Variants in B3GALT1 observed in about 807,000 individuals in gnomAD.
B3GALT1 encodes beta-1,3-galactosyltransferase 1.
B3GALT1 carries 10 observed loss-of-function variants against 23.2 expected under a neutral mutation model. That is an observed-to-expected ratio of 0.43 (90% CI 0.27 to 0.73). B3GALT1 has a LOEUF of 0.73. Ranked by LOEUF, B3GALT1 falls within the 30% of genes least tolerant of loss-of-function variation. The pLI, the probability that B3GALT1 is intolerant of heterozygous loss-of-function variation, is 0.21. For synonymous variants in B3GALT1, 156 were observed against 141.5 expected (o/e 1.10, Z -0.73); for missense variants, 299 against 405.4 (o/e 0.74, Z 2.25).
chr2:167,788,289 T>C lies in B3GALT1; in HGVS notation c.-351-30383T>C, dbSNP rs183627157. On this transcript the variant is annotated intron_variant, in intron 3 of 4. Transcript: ENST00000392690. ...CCGGAAGTGGGTGGGGGCGGGGGGG[T>C]GTTTTCGAGATGATTCAAGCACATT... Among the ~76,000 whole-genome samples, 575 of 150,002 alleles carry C rather than the reference T, an allele frequency of 3.8e-3. 4 individuals carry two copies. Among genetic ancestry groups the C allele is most frequent in the African/African-American group, 0.013 (532 of 40,902 alleles).
At chr2:167,819,410 TTTTA>T (rs1232189476) in intron 4 of B3GALT1, among the ~76,000 whole-genome samples, 4 of 152,248 alleles carry the variant, frequency 2.6e-5, no homozygotes, top group African/African-American at 7.2e-5. Context: ...GTTAAAATGT[TTTTA>T]TTTAAAGTGA....
intron 3 of B3GALT1, among the ~76,000 whole-genome samples, chr2:167,777,389 C>A (rs556980242): frequency 1.3e-5 from 2 of 152,310 alleles, no homozygotes; most frequent in East Asian, 3.9e-4. Context: ...CTCTGTTGCC[C>A]AGGCTGGAGT....
At chr2:167,829,972 G>A (rs1363535479) in intron 4 of B3GALT1, among the ~76,000 whole-genome samples, 1 of 152,170 alleles carries the variant, frequency 6.6e-6, no homozygotes, top group Non-Finnish European at 1.5e-5. Flanking sequence ...TCTTTTGGGA[G>A]GAGAGGAAAA....
chr2:167,667,710 A>G (rs938701403), intron 3 of B3GALT1, among the ~76,000 whole-genome samples: 1 of 152,022 alleles, frequency 6.6e-6, no homozygotes, highest in Non-Finnish European at 1.5e-5. Context: ...TTCATCTTCC[A>G]TCGCTGATGC....
At chr2:167,864,016 G>GTGTT (rs1553497856) in intron 4 of B3GALT1, among the ~76,000 whole-genome samples, 5 of 151,934 alleles carry the variant, frequency 3.3e-5, no homozygotes, top group African/African-American at 9.7e-5. Context: ...GTGTGTGTGT[G>GTGTT]TGTGTGTGTG....
intron 2 of B3GALT1, among the ~76,000 whole-genome samples, chr2:167,624,631 A>G (rs978065586): frequency 6.6e-6 from 1 of 152,050 alleles, no homozygotes; most frequent in Non-Finnish European, 1.5e-5. Flanking sequence ...TCCCAAATTT[A>G]AATTTATATC....
intron 3 of B3GALT1, among the ~76,000 whole-genome samples, chr2:167,681,074 G>T (rs995448811): frequency 1.3e-5 from 2 of 152,136 alleles, no homozygotes; most frequent in African/African-American, 4.8e-5. Context: ...GTGACAAGGA[G>T]CTCTGTATAA....
intron 4 of B3GALT1, among the ~76,000 whole-genome samples, chr2:167,824,205 A>T (rs1258729690): frequency 6.6e-6 from 1 of 152,224 alleles, no homozygotes; most frequent in Non-Finnish European, 1.5e-5. Flanking sequence ...GCAAGGGGAA[A>T]ACTGCAGCAG....
rs565285149 is a variant in B3GALT1, at chr2:167,426,380, T to C, written c.-510-63797T>C. 2.0e-5 allele frequency among the ~76,000 whole-genome samples: 3 copies of C among 151,994 alleles called. No homozygotes were observed. In the South Asian group the frequency reaches 6.2e-4, roughly 32 times the overall value. ...ACCTCCGCCTCCTGGGTTCAGGCAG[T>C]TCTCCTGGCTCTGCCTCGCGAGTAG... On this transcript the variant is annotated intron_variant, in intron 1 of 4. Coordinates refer to ENST00000392690, the MANE Select transcript of B3GALT1 (RefSeq NM_020981.4).
chr2:167,624,702 T>C (rs1685311742), intron 2 of B3GALT1, among the ~76,000 whole-genome samples: 1 of 152,038 alleles, frequency 6.6e-6, no homozygotes, highest in African/African-American at 2.4e-5. Context: ...TGGGATTAGC[T>C]CTTTGGTTTG....
intron 2 of B3GALT1, among the ~76,000 whole-genome samples, chr2:167,583,436 T>C (rs1418878945): frequency 1.3e-5 from 2 of 152,214 alleles, no homozygotes; most frequent in Non-Finnish European, 2.9e-5. Context: ...CTCCCTTTTT[T>C]TTACCTGCTT....
intron 3 of B3GALT1, among the ~76,000 whole-genome samples, chr2:167,753,825 C>T (rs899711361): frequency 1.6e-4 from 25 of 152,294 alleles, no homozygotes; most frequent in African/African-American, 5.8e-4. Context: ...CTGAGGGAAA[C>T]CCACCAGATT....
chr2:167,702,759 AAAGCT>A (rs1186574825), intron 3 of B3GALT1, among the ~76,000 whole-genome samples: 1 of 152,200 alleles, frequency 6.6e-6, no homozygotes, highest in Non-Finnish European at 1.5e-5. Context: ...TCAGGCTTTT[AAAGCT>A]ATTTTCATGT....
intron 2 of B3GALT1, among the ~76,000 whole-genome samples, chr2:167,563,138 A>G (rs997995615): frequency 1.3e-5 from 2 of 151,766 alleles, no homozygotes; most frequent in African/African-American, 4.9e-5. Flanking sequence ...CATTGTCATC[A>G]TGGCCCGGTC....
intron 4 of B3GALT1, among the ~76,000 whole-genome samples, chr2:167,826,694 A>C (rs1689236498): frequency 6.6e-6 from 1 of 152,218 alleles, no homozygotes; most frequent in Non-Finnish European, 1.5e-5. Context: ...CAGGTTCCAC[A>C]TCTGAGGCCT....
At chr2:167,511,888 A>C (rs1242264624) in intron 2 of B3GALT1, among the ~76,000 whole-genome samples, 1 of 152,214 alleles carries the variant, frequency 6.6e-6, no homozygotes, top group African/African-American at 2.4e-5. Context: ...TTTTACTCTC[A>C]AAATACATTT....
chr2:167,388,650 G>A (rs1697968669), intron 1 of B3GALT1, among the ~76,000 whole-genome samples: 1 of 152,122 alleles, frequency 6.6e-6, no homozygotes, highest in Admixed American at 6.5e-5. Flanking sequence ...CTCAAGCCTA[G>A]CTACACAATA....
chr2:167,508,281 G>A (rs559679220), intron 2 of B3GALT1, among the ~76,000 whole-genome samples: 7 of 140,052 alleles, frequency 5.0e-5, no homozygotes, highest in South Asian at 2.2e-4. Flanking sequence ...TTTTTCAGAC[G>A]GAGTCTTGCT....
intron 2 of B3GALT1, among the ~76,000 whole-genome samples, chr2:167,565,544 A>G (rs964587828): frequency 3.9e-5 from 6 of 152,238 alleles, no homozygotes; most frequent in African/African-American, 1.4e-4. Context: ...GCACAGCAAA[A>G]GAAACTACCA....
Sources: allele counts gnomAD v4.1 joint callset (sites outside exome capture counted in the v4.1 genomes callset), GRCh38; gene constraint gnomAD v4.1.1; transcripts MANE v1.5; gene names NCBI Gene and HGNC (gene_info 2026-07-23, HGNC 2026-07-21).